Variants in PPP3CA observed in about 807,000 individuals in gnomAD.
PPP3CA encodes the protein CAM-PRP catalytic subunit.
PPP3CA carries 14 observed loss-of-function variants against 66.5 expected under a neutral mutation model. The observed-to-expected ratio is 0.21, with a 90% CI of 0.14 to 0.33. PPP3CA has a LOEUF of 0.33. Ranked by LOEUF, PPP3CA falls within the 10% of genes least tolerant of loss-of-function variation. The pLI is 1.00. For synonymous variants in PPP3CA, 232 were observed against 226.2 expected (o/e 1.03, Z -0.23); for missense variants, 317 against 639.5 (o/e 0.50, Z 5.44).
At chr4:101,257,652 T>G (rs1726887537) in intron 1 of PPP3CA, among the ~76,000 whole-genome samples, 1 of 152,090 alleles carries the variant, frequency 6.6e-6, no homozygotes, top group Non-Finnish European at 1.5e-5. Flanking sequence ...AGGTACCTCT[T>G]CATTCATGAA....
intron 1 of PPP3CA, among the ~76,000 whole-genome samples, chr4:101,256,727 T>C (rs1422777749): frequency 6.6e-6 from 1 of 152,042 alleles, no homozygotes; most frequent in Non-Finnish European, 1.5e-5. Flanking sequence ...CAAGTAGGAT[T>C]TTCTGGTTCC....
intron 2 of PPP3CA, among the ~76,000 whole-genome samples, chr4:101,116,576 A>G (rs1721844431): frequency 6.6e-6 from 1 of 151,828 alleles, no homozygotes; most frequent in Non-Finnish European, 1.5e-5. Flanking sequence ...AGTGGATGGT[A>G]AGTTCAAGTA....
Position 101,137,238 on chromosome 4 carries a change from T to G in PPP3CA, c.260-28160A>C, listed in dbSNP as rs539546039. On this transcript the variant is annotated intron_variant, in intron 2 of 13. Transcript: ENST00000394854. ...TATTACAGTGGGGATTTTCTGATAT[T>G]ATCTACAGTAGAAGATTGCTAAATT... Among the ~76,000 whole-genome samples the G allele has an allele frequency of 3.9e-5, 6 of 152,288 alleles. No individual in the cohort carries two copies. In the East Asian group the frequency reaches 1.2e-3, roughly 29 times the overall value.
intron 2 of PPP3CA, among the ~76,000 whole-genome samples, chr4:101,137,625 G>C (rs1174847104): frequency 1.3e-5 from 2 of 152,152 alleles, no homozygotes; most frequent in Non-Finnish European, 2.9e-5. Context: ...TCCTTTGGAA[G>C]AGCTGAGCAC....
intron 1 of PPP3CA, among the ~76,000 whole-genome samples, chr4:101,268,098 G>A (rs899574679): frequency 6.6e-6 from 1 of 151,964 alleles, no homozygotes; most frequent in African/African-American, 2.4e-5. Flanking sequence ...CTTGAGTCCA[G>A]AAGTTTAAGG....
intron 2 of PPP3CA, among the ~76,000 whole-genome samples, chr4:101,190,388 T>C (rs1397388709): frequency 6.6e-6 from 1 of 152,092 alleles, no homozygotes; most frequent in African/African-American, 2.4e-5. Flanking sequence ...CATGAGAACA[T>C]AAAAGGGATG....
intron 1 of PPP3CA, among the ~76,000 whole-genome samples, chr4:101,328,815 T>A (rs964778719): frequency 2.0e-5 from 3 of 152,138 alleles, no homozygotes; most frequent in Non-Finnish European, 2.9e-5. Context: ...GTTACTATTG[T>A]AATTGTTTTA....
intron 7 of PPP3CA, among the ~76,000 whole-genome samples, chr4:101,082,868 T>C (rs1229901058): frequency 1.3e-5 from 2 of 152,180 alleles, no homozygotes; most frequent in Non-Finnish European, 2.9e-5. Flanking sequence ...GGTAATTTAC[T>C]CACTTATATG....
intron 1 of PPP3CA, among the ~76,000 whole-genome samples, chr4:101,208,224 A>ATTTC (rs1483520333): frequency 6.6e-6 from 1 of 151,214 alleles, no homozygotes; most frequent in African/African-American, 2.4e-5. Flanking sequence ...TGTTAAGTGA[A>ATTTC]AAGTAATCAC....
chr4:101,090,068 C>T (rs1021950203), intron 6 of PPP3CA, among the ~76,000 whole-genome samples: 8 of 152,126 alleles, frequency 5.3e-5, no homozygotes, highest in Non-Finnish European at 1.0e-4. Flanking sequence ...TGGTAATTGC[C>T]ACTAAGGTTC....
At chr4:101,218,043 T>C (rs1365799019) in intron 1 of PPP3CA, among the ~76,000 whole-genome samples, 1 of 152,046 alleles carries the variant, frequency 6.6e-6, no homozygotes, top group African/African-American at 2.4e-5. Flanking sequence ...CTCATCTTCA[T>C]TTTTTGGAAC....
At chr4:101,129,556 C>T (rs1188363306) in intron 2 of PPP3CA, among the ~76,000 whole-genome samples, 1 of 152,178 alleles carries the variant, frequency 6.6e-6, no homozygotes, top group Admixed American at 6.5e-5. Flanking sequence ...AAGGAACAAG[C>T]AGCAATCTGT....
At chr4:101,088,808 T>C (rs1729786576) in intron 6 of PPP3CA, among the ~76,000 whole-genome samples, 1 of 152,080 alleles carries the variant, frequency 6.6e-6, no homozygotes, top group South Asian at 2.1e-4. Flanking sequence ...AATAAAGGTC[T>C]TGAATTCACA....
chr4:101,275,154 A>G (rs898586355), intron 1 of PPP3CA, among the ~76,000 whole-genome samples: 1 of 152,150 alleles, frequency 6.6e-6, no homozygotes, highest in African/African-American at 2.4e-5. Flanking sequence ...CACGAAGAAC[A>G]TCTTTCTGAT....
intron 1 of PPP3CA, among the ~76,000 whole-genome samples, chr4:101,203,379 C>A (rs1383025308): frequency 6.6e-6 from 1 of 152,056 alleles, no homozygotes; most frequent in African/African-American, 2.4e-5. Context: ...CCTGCAGTCC[C>A]AGCTACTCAG....
chr4:101,316,413 G>A (rs1688745027), intron 1 of PPP3CA, among the ~76,000 whole-genome samples: 1 of 151,932 alleles, frequency 6.6e-6, no homozygotes, highest in African/African-American at 2.4e-5. Context: ...AGTAAATGTG[G>A]TTTTACATTT....
intron 2 of PPP3CA, among the ~76,000 whole-genome samples, chr4:101,153,576 C>A (rs1200428444): frequency 6.6e-6 from 1 of 152,108 alleles, no homozygotes. Flanking sequence ...ATCACGTCAA[C>A]AAAGAGGGTG....
At chr4:101,230,820 T>C (rs1307748071) in intron 1 of PPP3CA, among the ~76,000 whole-genome samples, 1 of 151,740 alleles carries the variant, frequency 6.6e-6, no homozygotes, top group Non-Finnish European at 1.5e-5. Flanking sequence ...TCCTACATCA[T>C]ACCTCTATCC....
chr4:101,127,580 C>T (rs772421456), intron 2 of PPP3CA, among the ~76,000 whole-genome samples: 1 of 152,112 alleles, frequency 6.6e-6, no homozygotes, highest in Non-Finnish European at 1.5e-5. Context: ...GGCAAGAAGG[C>T]CCCGCCTACA....
Sources: allele counts gnomAD v4.1 joint callset (sites outside exome capture counted in the v4.1 genomes callset), GRCh38; gene constraint gnomAD v4.1.1; transcripts MANE v1.5; gene names NCBI Gene and HGNC (gene_info 2026-07-23, HGNC 2026-07-21).